KIRREL3: variants seen among roughly 807,000 people sequenced by gnomAD.
KIRREL3 encodes the protein kirre like nephrin family adhesion molecule 3.
A neutral mutation model predicts 89.7 loss-of-function variants in KIRREL3; 36 were observed. The observed-to-expected ratio is 0.40, with a 90% CI of 0.31 to 0.53. The LOEUF (loss-of-function observed/expected upper bound fraction) is 0.53, where lower values mean the gene tolerates loss of function less well. Among genes scored for constraint, KIRREL3 ranks in the 20% least tolerant of loss-of-function variants. The pLI is 0.49. For synonymous variants in KIRREL3, 445 were observed against 441.4 expected (o/e 1.01, Z -0.10); for missense variants, 864 against 1,056.6 (o/e 0.82, Z 2.53).
rs1217884312 is a variant in KIRREL3 at position 126,551,930 on chromosome 11, G to A, written c.133+10905C>T. Among the ~76,000 whole-genome samples, 2 of 152,220 alleles carry A rather than the reference G, an allele frequency of 1.3e-5. No individual in the cohort carries two copies. The highest frequency in any genetic ancestry group is 2.9e-5 in the Non-Finnish European group (2 of 68,040). On this transcript the variant is annotated intron_variant, in intron 2 of 16. Transcript: ENST00000525144. This position sits in a 1 kb window ranked among gnomAD's most constrained non-coding sequence, Gnocchi z 4.9. Reference sequence around the variant, plus strand: ...CAAAGTGCTGGGATTACAGGCGTGAGCCACTGTGCCCAGCCTGCAGGCTTT... The same window carrying A: ...CAAAGTGCTGGGATTACAGGCGTGAACCACTGTGCCCAGCCTGCAGGCTTT...
intron 13 of KIRREL3, among the ~76,000 whole-genome samples, chr11:126,433,433 C>T (rs751122391): frequency 5.3e-5 from 8 of 152,168 alleles, no homozygotes; most frequent in Non-Finnish European, 1.0e-4. Flanking sequence ...AGGGAGCTGG[C>T]GCCCCTGGCT....
intron 2 of KIRREL3, among the ~76,000 whole-genome samples, chr11:126,556,531 C>G (rs1055642392): frequency 6.6e-6 from 1 of 152,068 alleles, no homozygotes; most frequent in Non-Finnish European, 1.5e-5. Context: ...CTTCTGGCTA[C>G]TTGGGAGGCT....
intron 1 of KIRREL3, among the ~76,000 whole-genome samples, chr11:126,728,505 C>T (rs1948482377): frequency 6.6e-6 from 1 of 152,134 alleles, no homozygotes; most frequent in East Asian, 1.9e-4. Context: ...GCCAAGCACC[C>T]TGCCTGGCCC....
At chr11:126,632,581 A>C (rs975013379) in intron 1 of KIRREL3, among the ~76,000 whole-genome samples, 3 of 152,200 alleles carry the variant, frequency 2.0e-5, no homozygotes, top group African/African-American at 7.2e-5. Context: ...TGACTGACAC[A>C]TTGGCAATAA....
At chr11:126,929,972 TTCC>T (rs1947876476) in intron 1 of KIRREL3, among the ~76,000 whole-genome samples, 1 of 150,918 alleles carries the variant, frequency 6.6e-6, no homozygotes, top group Non-Finnish European at 1.5e-5. Flanking sequence ...ACCTCACCGA[TTCC>T]CAAGTACACT....
At chr11:126,847,833 G>A (rs574323909) in intron 1 of KIRREL3, among the ~76,000 whole-genome samples, 44 of 152,228 alleles carry the variant, frequency 2.9e-4, no homozygotes, top group African/African-American at 1.1e-3. Context: ...TTCAGAATTT[G>A]GAAGTTACTC....
At chr11:126,426,614 A>C (rs879495139) in intron 15 of KIRREL3, among the ~76,000 whole-genome samples, 4 of 152,228 alleles carry the variant, frequency 2.6e-5, no homozygotes, top group Non-Finnish European at 5.9e-5. Context: ...CACAGTGGGC[A>C]TATGAATTAA....
rs1430678906 is a variant in KIRREL3, at chr11:126,454,983, A to G, written c.848+1366T>C. ...TGCAGGGAGCACCTCCTCATGTCCA[A>G]CCTGAATCCCTGGCTGTCCCTGTGG... On this transcript the variant is annotated intron_variant, in intron 7 of 16. Transcript: ENST00000525144. The surrounding 1 kb of genome is among the most constrained non-coding windows in gnomAD (Gnocchi z 5.8). Among the ~76,000 whole-genome samples the G allele has an allele frequency of 1.3e-5, 2 of 152,162 alleles. No individual in the cohort carries two copies. The highest frequency in any genetic ancestry group is 2.9e-5 in the Non-Finnish European group (2 of 68,012).
chr11:126,695,406 CAAAAAAAA>C (rs36034228), intron 1 of KIRREL3, among the ~76,000 whole-genome samples: 10 of 64,350 alleles, frequency 1.6e-4, no homozygotes, highest in Non-Finnish European at 2.0e-4. Flanking sequence ...TTAGCTTTAC[CAAAAAAAA>C]AAAAAAAAAA....
rs1204421606 is a variant in KIRREL3, at chr11:126,521,139, T to C, written c.433+176A>G. On this transcript the variant is annotated intron_variant, in intron 4 of 16. Transcript: ENST00000525144. The surrounding 1 kb of genome is among the most constrained non-coding windows in gnomAD (Gnocchi z 4.1). ...GTTTACTAGGGAAAGAGCCTTCGCT[T>C]GTCCCGTTTGGGTGGGAAGGTGGGC... is the stretch of plus-strand genomic sequence containing the variant. Among the ~76,000 whole-genome samples, 1 of 152,098 alleles carries C rather than the reference T, an allele frequency of 6.6e-6. No individual in the cohort carries two copies. Among genetic ancestry groups the C allele is most frequent in the East Asian group, 1.9e-4 (1 of 5,178 alleles).
Position 126,648,298 on chromosome 11 carries a change from A to T in KIRREL3, c.56-85386T>A, listed in dbSNP as rs557345072. Among the ~76,000 whole-genome samples the T allele has an allele frequency of 7.2e-5, 11 of 152,188 alleles. No individual in the cohort carries two copies. The South Asian group carries it at 1.0e-3, about 14-fold the overall frequency. ...CTTCTTTATAGTAATGAGAGAATGG[A>T]TGAGTGCACTTGTGCTGGCCTCTTT... On this transcript the variant is annotated intron_variant, in intron 1 of 16. Coordinates refer to ENST00000525144, the MANE Select transcript of KIRREL3 (RefSeq NM_032531.4).
chr11:126,563,437 C>T lies in KIRREL3; in HGVS notation c.56-525G>A, dbSNP rs73635321. 0.011 allele frequency among the ~76,000 whole-genome samples: 1,641 copies of T among 152,214 alleles called. 27 individuals are homozygous for T. Among genetic ancestry groups the T allele is most frequent in the African/African-American group, 0.034 (1,402 of 41,508 alleles). On this transcript the variant is annotated intron_variant, in intron 1 of 16. Transcript: ENST00000525144. This position sits in a 1 kb window ranked among gnomAD's most constrained non-coding sequence, Gnocchi z 6.8. ...AAGTGATTGCGTGAGTTTAGGGCAG[C>T]GGGGCGACACAGAGGTTAAGGTATA... is the stretch of plus-strand genomic sequence containing the variant.
Position 126,900,459 on chromosome 11 carries a change from A to G in KIRREL3, c.55+99996T>C, listed in dbSNP as rs1946330823. 6.6e-6 allele frequency among the ~76,000 whole-genome samples: 1 copy of G among 152,230 alleles called. No homozygotes were observed. Among genetic ancestry groups the G allele is most frequent in the African/African-American group, 2.4e-5 (1 of 41,452 alleles). On this transcript the variant is annotated intron_variant, in intron 1 of 16. Transcript: ENST00000525144. The surrounding 1 kb of genome is among the most constrained non-coding windows in gnomAD (Gnocchi z 4.4). ...TGATAGGAATGCATATTCCTTCTCC[A>G]ATTCCCTTTCCTTCTGCAAAGAGTT...
rs1224457165 is a variant in KIRREL3, at chr11:126,551,838, G to GT, written c.133+10996dup. Reference sequence around the variant, plus strand: ...TTTTTGTATTTTTAGTAGAGATGGGGTTTCACCATGTTAGTCAGGCTGGTC... The same window carrying GT: ...TTTTTGTATTTTTAGTAGAGATGGGGTTTTCACCATGTTAGTCAGGCTGGTC... On this transcript the variant is annotated intron_variant, in intron 2 of 16. Coordinates refer to ENST00000525144, the MANE Select transcript of KIRREL3 (RefSeq NM_032531.4). The surrounding 1 kb of genome is among the most constrained non-coding windows in gnomAD (Gnocchi z 4.9). Among the ~76,000 whole-genome samples the GT allele has an allele frequency of 6.6e-6, 1 of 152,128 alleles. No homozygotes were observed. The highest frequency in any genetic ancestry group is 2.4e-5 in the African/African-American group (1 of 41,436).
chr11:126,547,562 T>C (rs1028367128), intron 2 of KIRREL3, among the ~76,000 whole-genome samples: 1 of 152,196 alleles, frequency 6.6e-6, no homozygotes, highest in Non-Finnish European at 1.5e-5. Context: ...TGCTGGGGAC[T>C]ACTAGAGCTG....
intron 1 of KIRREL3, among the ~76,000 whole-genome samples, chr11:126,731,445 G>A (rs1948613751): frequency 6.6e-6 from 1 of 152,170 alleles, no homozygotes; most frequent in South Asian, 2.1e-4. Context: ...CTTTCTCTTG[G>A]CTATGCTTCT....
rs1457218844 is a variant in KIRREL3, at chr11:126,609,881, C to T, written c.56-46969G>A. On this transcript the variant is annotated intron_variant, in intron 1 of 16. Coordinates refer to ENST00000525144, the MANE Select transcript of KIRREL3 (RefSeq NM_032531.4). This position sits in a 1 kb window ranked among gnomAD's most constrained non-coding sequence, Gnocchi z 5.0. ...ACAACAGCAGCTAACATTAATAGAACCTGATGATGCGATAGGCACCGAGAT... is the reference window on the plus strand; with the variant it reads ...ACAACAGCAGCTAACATTAATAGAATCTGATGATGCGATAGGCACCGAGAT... Among the ~76,000 whole-genome samples the T allele has an allele frequency of 1.3e-5, 2 of 152,110 alleles. No homozygotes were observed. Among genetic ancestry groups the T allele is most frequent in the African/African-American group, 2.4e-5 (1 of 41,390 alleles).
At chr11:126,941,714 C>T (rs1443745619) in intron 1 of KIRREL3, among the ~76,000 whole-genome samples, 2 of 152,208 alleles carry the variant, frequency 1.3e-5, no homozygotes, top group Middle Eastern at 3.2e-3. Context: ...CTCTCGCAGT[C>T]TTCCCAGAGT....
rs775038657 is a variant in KIRREL3 at position 126,770,590 on chromosome 11, C to T, written c.56-207678G>A. Among the ~76,000 whole-genome samples, 304 of 152,276 alleles carry T rather than the reference C, an allele frequency of 2.0e-3. 2 individuals carry two copies. The highest frequency in any genetic ancestry group is 3.6e-3 in the Non-Finnish European group (243 of 68,022). ...CTCTTGTTGCAAGTAATTACGGAGG[C>T]GGCCTGTTATGCACAGGTTTTGAGT... On this transcript the variant is annotated intron_variant, in intron 1 of 16. Coordinates refer to ENST00000525144, the MANE Select transcript of KIRREL3 (RefSeq NM_032531.4).
Sources: allele counts gnomAD v4.1 joint callset (sites outside exome capture counted in the v4.1 genomes callset), GRCh38; gene constraint gnomAD v4.1.1; non-coding constraint Gnocchi (gnomAD v3.1); transcripts MANE v1.5; gene names NCBI Gene and HGNC (gene_info 2026-07-23, HGNC 2026-07-21).